Variants in C10orf67 observed in about 807,000 individuals in gnomAD.
C10orf67 encodes uncharacterized protein C10orf67, mitochondrial.
A neutral mutation model predicts 35.6 loss-of-function variants in C10orf67; 60 were observed. The ratio of observed to expected loss-of-function variants is 1.68; its 90% CI spans 1.37 to 2.09. The LOEUF is 2.09. Ranked by LOEUF, C10orf67 falls within the 30% of genes most tolerant of loss-of-function variation. The probability of loss-of-function intolerance (pLI) is 0.00; values close to 1 mark genes in which losing one functional copy is unlikely to be tolerated. For synonymous variants in C10orf67, 167 were observed against 115.8 expected (o/e 1.44, Z -2.84); for missense variants, 474 against 330.2 (o/e 1.44, Z -3.38).
chr10:23,258,543 G>A (rs1431290043), intron 10 of C10orf67: 5 of 169,998 alleles, frequency 2.9e-5, no homozygotes, highest in African/African-American at 7.1e-5. Context: ...AGACTTTGAC[G>A]ACTAGCACCA....
intron 4 of C10orf67, among the ~76,000 whole-genome samples, chr10:23,309,766 C>T (rs189952758): frequency 2.0e-5 from 3 of 152,266 alleles, no homozygotes; most frequent in East Asian, 1.9e-4. Flanking sequence ...TGGATGGGCT[C>T]GGCCACTCTG....
intron 13 of C10orf67, among the ~76,000 whole-genome samples, chr10:23,230,987 A>T (rs375681946): frequency 2.6e-5 from 4 of 152,082 alleles, no homozygotes; most frequent in South Asian, 2.1e-4. Flanking sequence ...TTTTTTGGAG[A>T]CAGGGTCTTG....
chr10:23,295,704 T>A (rs1157547371), intron 5 of C10orf67, among the ~76,000 whole-genome samples: 1 of 152,188 alleles, frequency 6.6e-6, no homozygotes, highest in African/African-American at 2.4e-5. Flanking sequence ...AAGCAAACTA[T>A]TACAGTTTTT....
At chr10:23,221,356 C>A (rs1459592074) in intron 15 of C10orf67, among the ~76,000 whole-genome samples, 1 of 152,132 alleles carries the variant, frequency 6.6e-6, no homozygotes, top group Non-Finnish European at 1.5e-5. Flanking sequence ...CACCAGGCCC[C>A]TTCTCCAAAT....
chr10:23,231,770 GA>G (rs1841919820), intron 13 of C10orf67, among the ~76,000 whole-genome samples: 1 of 152,216 alleles, frequency 6.6e-6, no homozygotes. Flanking sequence ...ATGAGCAGCA[GA>G]ATGGGTAAAT....
intron 4 of C10orf67, among the ~76,000 whole-genome samples, chr10:23,312,790 C>T (rs1338935142): frequency 6.6e-6 from 1 of 152,152 alleles, no homozygotes; most frequent in Non-Finnish European, 1.5e-5. Context: ...ATAGGTAGCT[C>T]TGAGTAAGGC....
chr10:23,304,199 C>T (rs908369256), intron 4 of C10orf67, among the ~76,000 whole-genome samples: 11 of 152,178 alleles, frequency 7.2e-5, no homozygotes, highest in African/African-American at 2.7e-4. Context: ...CCTTCAGAAG[C>T]AGGTTGGCTG....
At chr10:23,248,144 G>A (rs527556603) in intron 12 of C10orf67, among the ~76,000 whole-genome samples, 13 of 152,264 alleles carry the variant, frequency 8.5e-5, no homozygotes, top group Admixed American at 2.0e-4. Flanking sequence ...TTTCTTATGC[G>A]CTTGATAAAC....
At chr10:23,239,394 T>C (rs888204944) in intron 13 of C10orf67, among the ~76,000 whole-genome samples, 1 of 152,234 alleles carries the variant, frequency 6.6e-6, no homozygotes, top group African/African-American at 2.4e-5. Flanking sequence ...AGCTTTGATA[T>C]TTCCCAATAT....
intron 7 of C10orf67, among the ~76,000 whole-genome samples, chr10:23,284,314 A>G (rs1366053873): frequency 6.6e-6 from 1 of 151,780 alleles, no homozygotes; most frequent in Non-Finnish European, 1.5e-5. Context: ...AGTCACAAGC[A>G]GTTCCACAAA....
chr10:23,298,071 C>G (rs560406866), intron 5 of C10orf67, among the ~76,000 whole-genome samples: 3 of 151,984 alleles, frequency 2.0e-5, no homozygotes, highest in Non-Finnish European at 4.4e-5. Context: ...CTGGCGAACA[C>G]GGTGAAACCC....
rs1846064811 is a variant in C10orf67, at chr10:23,344,567, A to G, written c.206+2T>C. 5 of 1,571,510 alleles carry G rather than the reference A, an allele frequency of 3.2e-6. No individual in the cohort carries two copies. The highest frequency in any genetic ancestry group is 4.3e-6 in the Non-Finnish European group (5 of 1,159,322). Reference sequence around the variant, plus strand: ...TCTACCCAGGCGCGGAGCTCAGCCTACCTCGTGGACCCGCGCATTTGCGGG... The same window carrying G: ...TCTACCCAGGCGCGGAGCTCAGCCTGCCTCGTGGACCCGCGCATTTGCGGG... On this transcript the variant is annotated splice_donor_variant, in intron 1 of 15. Transcript: ENST00000636213. LOFTEE classifies it high-confidence loss of function.
intron 4 of C10orf67, among the ~76,000 whole-genome samples, chr10:23,319,189 T>C (rs892046375): frequency 1.3e-5 from 2 of 152,154 alleles, no homozygotes; most frequent in Non-Finnish European, 2.9e-5. Flanking sequence ...CCTGTGTCTA[T>C]TGTTCCCTTC....
intron 10 of C10orf67, among the ~76,000 whole-genome samples, chr10:23,252,025 C>A (rs1228247496): frequency 6.6e-6 from 1 of 152,054 alleles, no homozygotes; most frequent in Non-Finnish European, 1.5e-5. Flanking sequence ...ATTAATAATA[C>A]CAGTTTTTAA....
chr10:23,296,585 C>G (rs989784620), intron 5 of C10orf67, among the ~76,000 whole-genome samples: 2 of 152,154 alleles, frequency 1.3e-5, no homozygotes, highest in East Asian at 1.9e-4. Context: ...GATGACCGCT[C>G]TAATTGCTTC....
intron 15 of C10orf67, among the ~76,000 whole-genome samples, chr10:23,204,798 G>T (rs1456923293): frequency 6.6e-6 from 1 of 152,172 alleles, no homozygotes; most frequent in Non-Finnish European, 1.5e-5. Context: ...TCAACGTTGG[G>T]CTCTCTGCCC....
intron 4 of C10orf67, among the ~76,000 whole-genome samples, chr10:23,308,973 T>A (rs1844392055): frequency 3.3e-5 from 5 of 152,100 alleles, no homozygotes; most frequent in Admixed American, 3.3e-4. Context: ...CCTTTCTCTA[T>A]CCTGTGAACA....
At chr10:23,317,578 G>C (rs1844777577) in intron 4 of C10orf67, 1 of 152,208 alleles carries the variant, frequency 6.6e-6, no homozygotes, top group African/African-American at 2.4e-5. Context: ...CTGCTGAAAT[G>C]ATTACATGGT....
chr10:23,331,268 AGAGGG>A (rs1845460880), intron 2 of C10orf67, among the ~76,000 whole-genome samples: 1 of 3,642 alleles, frequency 2.7e-4, no homozygotes, highest in Non-Finnish European at 4.2e-4. Flanking sequence ...AGGGAAGGGA[AGAGGG>A]AAGGGAAGGG....
Sources: allele counts gnomAD v4.1 joint callset (sites outside exome capture counted in the v4.1 genomes callset), GRCh38; gene constraint gnomAD v4.1.1; transcripts MANE v1.5; gene names NCBI Gene and HGNC (gene_info 2026-07-23, HGNC 2026-07-21).